VKORC1L1: variants seen among roughly 807,000 people sequenced by gnomAD.
The protein encoded by VKORC1L1 is vitamin K epoxide reductase complex subunit 1-like protein 1.
A neutral mutation model predicts 18.9 loss-of-function variants in VKORC1L1; 2 were observed. The observed-to-expected ratio is 0.11, with a 90% CI of 0.04 to 0.33. The LOEUF is 0.33. Ranked by LOEUF, VKORC1L1 falls within the 10% of genes least tolerant of loss-of-function variation. The probability of loss-of-function intolerance (pLI) is 1.00; values close to 1 mark genes in which losing one functional copy is unlikely to be tolerated. For synonymous variants in VKORC1L1, 96 were observed against 100.0 expected (o/e 0.96, Z 0.24); for missense variants, 123 against 224.1 (o/e 0.55, Z 2.88).
intron 1 of VKORC1L1, among the ~76,000 whole-genome samples, chr7:65,929,594 A>C (rs1196732437): frequency 6.7e-6 from 1 of 148,204 alleles, no homozygotes; most frequent in Non-Finnish European, 1.5e-5. Context: ...TAGTTTCTTC[A>C]CTTTTCTGTG....
intron 2 of VKORC1L1, among the ~76,000 whole-genome samples, chr7:65,952,684 A>G (rs1207934973): frequency 6.6e-6 from 1 of 152,072 alleles, no homozygotes; most frequent in Non-Finnish European, 1.5e-5. Context: ...TGTCCTTGAA[A>G]ATAAATGCAC....
At chr7:65,938,190 C>G (rs1413625256) in intron 1 of VKORC1L1, among the ~76,000 whole-genome samples, 1 of 151,382 alleles carries the variant, frequency 6.6e-6, no homozygotes, top group African/African-American at 2.4e-5. Flanking sequence ...AGCGAGACTC[C>G]GTCTCAAAAA....
At chr7:65,911,076 C>A (rs1275220356) in intron 1 of VKORC1L1, among the ~76,000 whole-genome samples, 1 of 152,144 alleles carries the variant, frequency 6.6e-6, no homozygotes, top group Admixed American at 6.6e-5. Context: ...TATATGAGGG[C>A]TCAGCCCCAC....
At chr7:65,915,734 C>A (rs1789578482) in intron 1 of VKORC1L1, among the ~76,000 whole-genome samples, 1 of 151,412 alleles carries the variant, frequency 6.6e-6, no homozygotes. Context: ...ATATTCAATG[C>A]CTAAATCAAC....
intron 1 of VKORC1L1, among the ~76,000 whole-genome samples, chr7:65,896,849 A>G (rs1234755315): frequency 6.6e-6 from 1 of 152,060 alleles, no homozygotes; most frequent in Non-Finnish European, 1.5e-5. Flanking sequence ...AAATACAAAA[A>G]TTAGCCAGGT....
At chr7:65,875,173 T>G (rs1788805229) in intron 1 of VKORC1L1, among the ~76,000 whole-genome samples, 1 of 152,180 alleles carries the variant, frequency 6.6e-6, no homozygotes, top group African/African-American at 2.4e-5. Flanking sequence ...ATTAAGAAAT[T>G]TGTTCAATTT....
At position 65,891,718 on chromosome 7, in the gene VKORC1L1, G is replaced by A. The variant is rs373775759; in HGVS notation, c.194+18153G>A. On this transcript the variant is annotated intron_variant, in intron 1 of 2. Transcript: ENST00000360768. ...CATACATATTTATAGGGTAGATGTG[G>A]TATTTTGATGCAAGCATAGAATGCA... Among the ~76,000 whole-genome samples, 18 of 152,204 alleles carry A rather than the reference G, an allele frequency of 1.2e-4. No individual in the cohort carries two copies. In the East Asian group the frequency reaches 2.1e-3, roughly 18 times the overall value.
At chr7:65,868,346 A>G (rs2116302892), upstream of VKORC1L1, among the ~76,000 whole-genome samples, 1 of 152,306 alleles carries the variant, frequency 6.6e-6, no homozygotes, top group East Asian at 1.9e-4. Context: ...GGATTCAGAG[A>G]AAAAAGGAAC....
intron 1 of VKORC1L1, among the ~76,000 whole-genome samples, chr7:65,907,697 C>T (rs181665549): frequency 6.5e-4 from 99 of 152,224 alleles, no homozygotes; most frequent in African/African-American, 2.3e-3. Context: ...TTAATACTTT[C>T]TCTGTGACTA....
At chr7:65,945,595 C>T (rs1328297277) in intron 1 of VKORC1L1, among the ~76,000 whole-genome samples, 1 of 150,620 alleles carries the variant, frequency 6.6e-6, no homozygotes, top group Non-Finnish European at 1.5e-5. Flanking sequence ...CTGGGCGACA[C>T]GAATGAGACT....
chr7:65,884,562 G>A (rs1365515979), intron 1 of VKORC1L1, among the ~76,000 whole-genome samples: 1 of 152,084 alleles, frequency 6.6e-6, no homozygotes, highest in Non-Finnish European at 1.5e-5. Flanking sequence ...GCTTGCACTG[G>A]GGAGGCAGAA....
chr7:65,929,741 T>A (rs969929264), intron 1 of VKORC1L1, among the ~76,000 whole-genome samples: 3 of 149,544 alleles, frequency 2.0e-5, no homozygotes, highest in South Asian at 4.2e-4. Context: ...TTTTTTTTTG[T>A]AGAGACAGGT....
At position 65,951,159 on chromosome 7, in the gene VKORC1L1, A is replaced by T. The variant is rs141502855; in HGVS notation, c.304+2379A>T. Among the ~76,000 whole-genome samples, 530 of 152,240 alleles carry T rather than the reference A, an allele frequency of 3.5e-3. 6 individuals carry two copies. Among genetic ancestry groups the T allele is most frequent in the South Asian group, 0.022 (106 of 4,828 alleles). ...CTTTTAATGTTGGTGTCTTCATGGG[A>T]GGCACATTTGAACTAACCTAGCAAT... On this transcript the variant is annotated intron_variant, in intron 2 of 2. Coordinates refer to ENST00000360768, the MANE Select transcript of VKORC1L1 (RefSeq NM_173517.6).
At chr7:65,903,956 C>G (rs757272516) in intron 1 of VKORC1L1, among the ~76,000 whole-genome samples, 1 of 151,954 alleles carries the variant, frequency 6.6e-6, no homozygotes, top group Non-Finnish European at 1.5e-5. Flanking sequence ...CCATTTTATT[C>G]TCTTTAAAAG....
intron 1 of VKORC1L1, among the ~76,000 whole-genome samples, chr7:65,916,653 C>A (rs567139065): frequency 2.0e-5 from 3 of 151,184 alleles, no homozygotes; most frequent in Non-Finnish European, 4.4e-5. Flanking sequence ...GGCTGGAGTG[C>A]AATGGTGTAA....
chr7:65,888,718 G>A (rs62470886), intron 1 of VKORC1L1, among the ~76,000 whole-genome samples: 6,094 of 152,168 alleles, frequency 0.04, 175 homozygotes, highest in East Asian at 0.096. Flanking sequence ...GCATCTGTGT[G>A]CTGACCTTTT....
At chr7:65,920,688 T>A (rs545103103) in intron 1 of VKORC1L1, among the ~76,000 whole-genome samples, 2 of 152,028 alleles carry the variant, frequency 1.3e-5, no homozygotes, top group Non-Finnish European at 2.9e-5. Context: ...CTACACTGTT[T>A]TTCTCTCTTT....
intron 1 of VKORC1L1, among the ~76,000 whole-genome samples, chr7:65,936,591 T>A (rs953927598): frequency 3.3e-5 from 5 of 152,196 alleles, no homozygotes; most frequent in Non-Finnish European, 7.3e-5. Flanking sequence ...TGAATGATGG[T>A]TTATATCATA....
intron 1 of VKORC1L1, among the ~76,000 whole-genome samples, chr7:65,906,679 T>C (rs1789411285): frequency 2.0e-5 from 3 of 152,146 alleles, no homozygotes; most frequent in Admixed American, 1.3e-4. Flanking sequence ...AGGAGTCCAG[T>C]TTAATGCTAG....
Sources: gnomAD v4.1 joint callset for allele counts (sites outside exome capture counted in the v4.1 genomes callset) on GRCh38, gnomAD v4.1.1 for gene constraint, MANE v1.5 for transcripts, NCBI Gene and HGNC (gene_info 2026-07-23, HGNC 2026-07-21) for gene names.